Variants in PKIB observed in about 807,000 individuals in gnomAD.
PKIB encodes the protein PKI-beta.
Under a neutral mutation model 4.5 loss-of-function variants are expected in PKIB, and 2 were observed. The ratio of observed to expected loss-of-function variants is 0.44; its 90% CI spans 0.18 to 1.39. PKIB has a LOEUF of 1.39. Among genes scored for constraint, PKIB ranks in the 40% most tolerant of loss-of-function variants. The pLI, the probability that PKIB is intolerant of heterozygous loss-of-function variation, is 0.27. For missense variants in PKIB, 94 were observed against 92.6 expected (o/e 1.02, Z -0.06); for synonymous variants, 38 against 36.0 (o/e 1.06, Z -0.20).
intron 2 of PKIB, among the ~76,000 whole-genome samples, chr6:122,486,417 G>A (rs1284984824): frequency 6.6e-6 from 1 of 152,030 alleles, no homozygotes; most frequent in Non-Finnish European, 1.5e-5. Context: ...ATAGTTGCTT[G>A]ATCCACCCTC....
intron 2 of PKIB, among the ~76,000 whole-genome samples, chr6:122,555,184 A>G (rs1772801384): frequency 6.6e-6 from 1 of 152,240 alleles, no homozygotes; most frequent in Admixed American, 6.5e-5. Context: ...GAATAAGAAA[A>G]TCAGAAAATA....
intron 2 of PKIB, among the ~76,000 whole-genome samples, chr6:122,508,899 C>T (rs1025920757): frequency 1.4e-4 from 22 of 152,028 alleles, no homozygotes; most frequent in African/African-American, 5.1e-4. Flanking sequence ...TACAGGTGCC[C>T]GCCACCATGC....
At chr6:122,547,366 A>T (rs1055756322) in intron 2 of PKIB, among the ~76,000 whole-genome samples, 3 of 151,734 alleles carry the variant, frequency 2.0e-5, no homozygotes, top group African/African-American at 7.3e-5. Flanking sequence ...ACGGAGTTTC[A>T]CTCTTGTTGC....
chr6:122,590,832 G>A (rs765170568), intron 3 of PKIB, among the ~76,000 whole-genome samples: 3 of 152,110 alleles, frequency 2.0e-5, no homozygotes, highest in Non-Finnish European at 2.9e-5. Context: ...CATGCTTAGC[G>A]TGTGGTCCAC....
At chr6:122,520,661 T>TTCTTC (rs1562237597) in intron 2 of PKIB, among the ~76,000 whole-genome samples, 3 of 55,586 alleles carry the variant, frequency 5.4e-5, no homozygotes, top group Non-Finnish European at 7.7e-5. Context: ...AAGTTTATGT[T>TTCTTC]CCCACCCCCC....
Position 122,717,774 on chromosome 6 carries a change from A to G in PKIB, c.-8-13A>G. The G allele has an allele frequency of 1.9e-6, 3 of 1,612,718 alleles. No individual in the cohort carries two copies. The highest frequency in any genetic ancestry group is 2.2e-5 in the East Asian group (1 of 44,822). On this transcript the variant is annotated splice_polypyrimidine_tract_variant and intron_variant, in intron 3 of 4. Coordinates refer to ENST00000368452, the MANE Select transcript of PKIB (RefSeq NM_181795.3). ...ATAGGCTCATCTTCTTCATATGCACATTCTATTTGTAGATGTTGCTATGAG... is the reference window on the plus strand; with the variant it reads ...ATAGGCTCATCTTCTTCATATGCACGTTCTATTTGTAGATGTTGCTATGAG...
At chr6:122,628,292 C>T (rs1775549781) in intron 1 of PKIB, among the ~76,000 whole-genome samples, 1 of 152,212 alleles carries the variant, frequency 6.6e-6, no homozygotes, top group Non-Finnish European at 1.5e-5. Context: ...CTACCTCGGC[C>T]TCCCAAAGTG....
chr6:122,696,245 C>T (rs781427143), intron 3 of PKIB, among the ~76,000 whole-genome samples: 4 of 152,042 alleles, frequency 2.6e-5, no homozygotes, highest in Non-Finnish European at 5.9e-5. Context: ...GAGAACAAAC[C>T]GTAGAGTGGG....
At chr6:122,646,683 T>G (rs1200298754) in intron 2 of PKIB, among the ~76,000 whole-genome samples, 1 of 152,212 alleles carries the variant, frequency 6.6e-6, no homozygotes, top group Admixed American at 6.5e-5. Flanking sequence ...AAACAATGCA[T>G]TCATTTATTA....
At chr6:122,490,529 C>T (rs1166935381) in intron 2 of PKIB, among the ~76,000 whole-genome samples, 34 of 152,012 alleles carry the variant, frequency 2.2e-4, no homozygotes, top group Admixed American at 2.2e-3. Flanking sequence ...ACCATCCTCT[C>T]GGTGATGAGT....
chr6:122,694,952 C>A (rs908823802), intron 3 of PKIB, among the ~76,000 whole-genome samples: 2 of 152,192 alleles, frequency 1.3e-5, no homozygotes, highest in Admixed American at 1.3e-4. Flanking sequence ...GTGTAGTCAG[C>A]TGTCAATTTC....
chr6:122,606,011 T>C (rs1194203072), upstream of PKIB, among the ~76,000 whole-genome samples: 2 of 152,158 alleles, frequency 1.3e-5, no homozygotes, highest in Non-Finnish European at 2.9e-5. Flanking sequence ...AAAAGATATG[T>C]CCATGACCTA....
intron 3 of PKIB, among the ~76,000 whole-genome samples, chr6:122,602,994 AT>A (rs10717319): frequency 0.13 from 19,973 of 149,644 alleles, 1,533 homozygotes; most frequent in Non-Finnish European, 0.15. Context: ...GTACGTTTAC[AT>A]TTTAGGTTCC....
At chr6:122,558,957 G>T (rs544996646) in intron 2 of PKIB, among the ~76,000 whole-genome samples, 1 of 151,940 alleles carries the variant, frequency 6.6e-6, no homozygotes, top group Non-Finnish European at 1.5e-5. Context: ...ACGCCTTTGC[G>T]CCCTCACAGC....
chr6:122,512,948 T>C (rs1161467333), intron 2 of PKIB, among the ~76,000 whole-genome samples: 1 of 152,226 alleles, frequency 6.6e-6, no homozygotes, highest in African/African-American at 2.4e-5. Flanking sequence ...CCTAAACTTC[T>C]TAGCCATATA....
chr6:122,516,110 A>T (rs1421996722), intron 2 of PKIB, among the ~76,000 whole-genome samples: 1 of 152,214 alleles, frequency 6.6e-6, no homozygotes, highest in Non-Finnish European at 1.5e-5. Context: ...ATCTACTATC[A>T]TACAATTTAG....
At chr6:122,566,632 C>T (rs896949685) in intron 2 of PKIB, among the ~76,000 whole-genome samples, 42 of 146,796 alleles carry the variant, frequency 2.9e-4, no homozygotes, top group Non-Finnish European at 5.4e-4. Flanking sequence ...CTCCCTTCCT[C>T]CCTCCCTCCC....
intron 2 of PKIB, among the ~76,000 whole-genome samples, chr6:122,530,150 TCTCAA>T (rs1237177888): frequency 1.3e-5 from 2 of 152,144 alleles, no homozygotes; most frequent in African/African-American, 2.4e-5. Flanking sequence ...GATTCAATCA[TCTCAA>T]CTGACTTGTC....
At chr6:122,607,357 A>G (rs959716725), upstream of PKIB, among the ~76,000 whole-genome samples, 5 of 152,078 alleles carry the variant, frequency 3.3e-5, no homozygotes, top group Non-Finnish European at 7.4e-5. Context: ...AAAACAAAAA[A>G]ACCCACAAAA....
Sources: allele counts gnomAD v4.1 joint callset (sites outside exome capture counted in the v4.1 genomes callset), GRCh38; gene constraint gnomAD v4.1.1; transcripts MANE v1.5; gene names NCBI Gene and HGNC (gene_info 2026-07-23, HGNC 2026-07-21).